The following SNX30 variants were observed in gnomAD, a reference collection of about 807,000 sequenced individuals.
SNX30 encodes sorting nexin-30.
In SNX30, 24 loss-of-function variants were observed where a neutral mutation model predicts 46.4. The observed-to-expected ratio is 0.52, with a 90% CI of 0.37 to 0.73. The LOEUF (loss-of-function observed/expected upper bound fraction) is 0.73, where lower values mean the gene tolerates loss of function less well. Ranked by LOEUF, SNX30 falls within the 30% of genes least tolerant of loss-of-function variation. The pLI, the probability that SNX30 is intolerant of heterozygous loss-of-function variation, is 0.00. For missense variants in SNX30, 533 were observed against 555.7 expected, an observed-to-expected ratio of 0.96 and a Z score of 0.41; for synonymous variants, 189 against 211.5, an observed-to-expected ratio of 0.89 and a Z score of 0.92.
chr9:112,854,805 C>T (rs1325385089), intron 7 of SNX30, among the ~76,000 whole-genome samples: 1 of 152,196 alleles, frequency 6.6e-6, no homozygotes, highest in Non-Finnish European at 1.5e-5. Flanking sequence ...CCCAGCTGCG[C>T]CCTAGCTTGC....
chr9:112,834,834 AC>A (rs1422379072), intron 4 of SNX30, among the ~76,000 whole-genome samples: 2 of 105,882 alleles, frequency 1.9e-5, no homozygotes, highest in African/African-American at 7.6e-5. Flanking sequence ...TTAAACACAC[AC>A]ACACACAAAC....
At chr9:112,879,922 CA>C, downstream of SNX30, 1 of 1,072,906 alleles carries the variant, frequency 9.3e-7, no homozygotes. Flanking sequence ...AGGCTTTAGG[CA>C]AAATCATAGG....
At chr9:112,866,477 A>G (rs1300731583) in intron 8 of SNX30, 3 of 470,696 alleles carry the variant, frequency 6.4e-6, no homozygotes, top group Non-Finnish European at 1.3e-5. Flanking sequence ...CATGGCTGAC[A>G]TACAAAGTCC....
At chr9:112,762,979 C>T (rs10981499) in intron 1 of SNX30, among the ~76,000 whole-genome samples, 20,309 of 152,022 alleles carry the variant, frequency 0.13, 1,625 homozygotes, top group Middle Eastern at 0.24. Flanking sequence ...GGTGTTTGGA[C>T]GTGAATCACC....
intron 6 of SNX30, among the ~76,000 whole-genome samples, chr9:112,839,779 A>G (rs1185730145): frequency 1.3e-5 from 2 of 152,240 alleles, no homozygotes; most frequent in Admixed American, 6.5e-5. Context: ...AGGGCATCCC[A>G]TGAGGAAAGA....
intron 1 of SNX30, among the ~76,000 whole-genome samples, chr9:112,773,692 A>G (rs13297109): frequency 5.3e-5 from 8 of 152,220 alleles, no homozygotes; most frequent in South Asian, 2.1e-4. Context: ...GGAAACAACC[A>G]GTTCTGCAGA....
chr9:112,751,281 G>A, intron 1 of SNX30, 124 bp downstream of exon 1: 1 of 1,185,096 alleles, frequency 8.4e-7, no homozygotes, highest in Non-Finnish European at 1.1e-6. Flanking sequence ...GGGGACGGGC[G>A]TGTCCTGGCC....
chr9:112,792,258 C>T (rs1840038287), intron 1 of SNX30, among the ~76,000 whole-genome samples: 1 of 152,298 alleles, frequency 6.6e-6, no homozygotes, highest in East Asian at 1.9e-4. Context: ...TTTTTTCTCT[C>T]TATTTAATTT....
intron 7 of SNX30, among the ~76,000 whole-genome samples, chr9:112,858,944 T>C (rs1419326362): frequency 1.3e-5 from 2 of 152,212 alleles, no homozygotes; most frequent in Non-Finnish European, 2.9e-5. Flanking sequence ...TGGTAAAATA[T>C]ACAGAATATA....
intron 1 of SNX30, among the ~76,000 whole-genome samples, chr9:112,770,020 C>T (rs1839620256): frequency 6.6e-6 from 1 of 152,176 alleles, no homozygotes; most frequent in African/African-American, 2.4e-5. Context: ...CTGTCATCCC[C>T]TCTTGCCTGC....
chr9:112,768,467 A>G (rs1839581739), intron 1 of SNX30, among the ~76,000 whole-genome samples: 2 of 152,156 alleles, frequency 1.3e-5, no homozygotes, highest in Non-Finnish European at 2.9e-5. Context: ...TGCACATTAA[A>G]CATTGAGAAA....
downstream of SNX30, chr9:112,878,204 C>T (rs764708887): frequency 6.6e-6 from 1 of 152,256 alleles, no homozygotes; most frequent in Non-Finnish European, 1.5e-5. Flanking sequence ...TCCCCATTTA[C>T]TCTGAAGAGA....
intron 3 of SNX30, among the ~76,000 whole-genome samples, chr9:112,821,433 T>TGTATATATATATGTGTGTG (rs1564280672): frequency 2.0e-5 from 3 of 151,874 alleles, no homozygotes; most frequent in Non-Finnish European, 4.4e-5. Flanking sequence ...ATATGTGTGT[T>TGTATATATATATGTGTGTG]TGTATATATG....
At chr9:112,821,251 T>C (rs1840488342) in intron 3 of SNX30, among the ~76,000 whole-genome samples, 1 of 152,208 alleles carries the variant, frequency 6.6e-6, no homozygotes, top group Non-Finnish European at 1.5e-5. Flanking sequence ...TGATTTTAAT[T>C]TGTATTTCCC....
rs1224828051 is a variant in SNX30, at chr9:112,756,208, A to G, written c.156+5051A>G. 4.0e-5 allele frequency among the ~76,000 whole-genome samples: 6 copies of G among 151,800 alleles called. No individual in the cohort carries two copies. The East Asian group carries it at 1.2e-3, about 29-fold the overall frequency. ...AGGTGGTTGCCAGAGCAAAATCAAG[A>G]AATGTTAGACAAGCAGGAAACAAAT... is the stretch of plus-strand genomic sequence containing the variant. On this transcript the variant is annotated intron_variant, in intron 1 of 8. Transcript: ENST00000374232.
chr9:112,795,384 C>A (rs2131393503), intron 1 of SNX30, among the ~76,000 whole-genome samples: 1 of 152,276 alleles, frequency 6.6e-6, no homozygotes, highest in South Asian at 2.1e-4. Context: ...CAGTCTGGCT[C>A]AGGTTAGCCT....
Position 112,827,916 on chromosome 9 carries a change from A to AT in SNX30, c.460-2809_460-2808insT, listed in dbSNP as rs772006077. 1.9e-4 allele frequency among the ~76,000 whole-genome samples: 29 copies of AT among 152,344 alleles called. No homozygotes were observed. The South Asian group carries it at 4.6e-3, about 24-fold the overall frequency. On this transcript the variant is annotated intron_variant, in intron 3 of 8. Transcript: ENST00000374232. ...AACGTTGTCTTGGTTTATTCCCTAA[A>AT]GAGGCTTGCATTTTCTAAAGAGGCT...
chr9:112,882,648 T>C (rs950103252), downstream of SNX30, among the ~76,000 whole-genome samples: 3 of 151,898 alleles, frequency 2.0e-5, no homozygotes, highest in African/African-American at 7.3e-5. Context: ...GAGACATATT[T>C]TGGAGGTAGA....
chr9:112,793,105 T>C (rs1461623203), intron 1 of SNX30, among the ~76,000 whole-genome samples: 1 of 152,230 alleles, frequency 6.6e-6, no homozygotes, highest in African/African-American at 2.4e-5. Flanking sequence ...GACCTGCTAT[T>C]TGCCCCCATC....
Sources: gnomAD v4.1 joint callset for allele counts (sites outside exome capture counted in the v4.1 genomes callset) on GRCh38, gnomAD v4.1.1 for gene constraint, MANE v1.5 for transcripts, NCBI Gene and HGNC (gene_info 2026-07-23, HGNC 2026-07-21) for gene names.